KCNIP1: variants seen among roughly 807,000 people sequenced by gnomAD.
The protein encoded by KCNIP1 is potassium voltage-gated channel interacting protein 1.
A neutral mutation model predicts 33.0 loss-of-function variants in KCNIP1; 18 were observed. The ratio of observed to expected loss-of-function variants is 0.55; its 90% CI spans 0.38 to 0.81. The LOEUF (loss-of-function observed/expected upper bound fraction) is 0.81, where lower values mean the gene tolerates loss of function less well. Ranked by LOEUF, KCNIP1 falls within the 30% of genes least tolerant of loss-of-function variation. The pLI, the probability that KCNIP1 is intolerant of heterozygous loss-of-function variation, is 0.00. For missense variants in KCNIP1, 238 were observed against 271.6 expected (o/e 0.88, Z 0.87); for synonymous variants, 93 against 98.3 (o/e 0.95, Z 0.32).
chr5:170,496,296 G>C (rs1433493458), intron 1 of KCNIP1, among the ~76,000 whole-genome samples: 1 of 152,198 alleles, frequency 6.6e-6, no homozygotes, highest in Admixed American at 6.5e-5. Flanking sequence ...AGTCCCCAGT[G>C]AACTGCTGCC....
At chr5:170,479,425 A>G (rs1280691078) in intron 1 of KCNIP1, among the ~76,000 whole-genome samples, 1 of 152,108 alleles carries the variant, frequency 6.6e-6, no homozygotes, top group Non-Finnish European at 1.5e-5. Context: ...TTCAAAATTC[A>G]CTCTTCTTAC....
At chr5:170,476,133 G>C (rs1043132495) in intron 1 of KCNIP1, among the ~76,000 whole-genome samples, 4 of 151,976 alleles carry the variant, frequency 2.6e-5, no homozygotes, top group Admixed American at 2.6e-4. Flanking sequence ...ACCATGCCTC[G>C]CTAATTTTTG....
intron 1 of KCNIP1, among the ~76,000 whole-genome samples, chr5:170,598,135 T>C (rs1258713878): frequency 6.6e-6 from 1 of 152,076 alleles, no homozygotes; most frequent in Non-Finnish European, 1.5e-5. Context: ...AATCAGACCG[T>C]GTATTTTAGC....
intron 1 of KCNIP1, among the ~76,000 whole-genome samples, chr5:170,587,326 G>A (rs530334466): frequency 6.7e-6 from 1 of 149,846 alleles, no homozygotes; most frequent in East Asian, 2.0e-4. Flanking sequence ...AGAGGCTGAG[G>A]TGGGAGAATG....
At chr5:170,391,776 G>C (rs146429352) in intron 1 of KCNIP1, among the ~76,000 whole-genome samples, 1 of 152,330 alleles carries the variant, frequency 6.6e-6, no homozygotes, top group African/African-American at 2.4e-5. Context: ...GCTTCAGTTT[G>C]TCTGTCTCTA....
chr5:170,661,939 G>C (rs953752012), intron 1 of KCNIP1, among the ~76,000 whole-genome samples: 3 of 152,108 alleles, frequency 2.0e-5, no homozygotes, highest in Non-Finnish European at 2.9e-5. Flanking sequence ...TCCTTGCAAG[G>C]CTCGAGCACA....
intron 1 of KCNIP1, among the ~76,000 whole-genome samples, chr5:170,513,760 G>A (rs1755023990): frequency 6.6e-6 from 1 of 152,234 alleles, no homozygotes; most frequent in African/African-American, 2.4e-5. Context: ...TACATACAGA[G>A]CCTTTGTGTG....
chr5:170,519,939 G>A (rs902609627), intron 1 of KCNIP1, among the ~76,000 whole-genome samples: 10 of 152,052 alleles, frequency 6.6e-5, no homozygotes, highest in East Asian at 1.9e-4. Context: ...GCAAAGACAG[G>A]GGGTGAGCGA....
At chr5:170,578,080 T>C (rs1757665089) in intron 1 of KCNIP1, among the ~76,000 whole-genome samples, 1 of 152,226 alleles carries the variant, frequency 6.6e-6, no homozygotes, top group Non-Finnish European at 1.5e-5. Flanking sequence ...TCAACAAACA[T>C]GTCTTGAGTG....
chr5:170,686,290 A>G (rs1762535693), intron 1 of KCNIP1, among the ~76,000 whole-genome samples: 1 of 152,192 alleles, frequency 6.6e-6, no homozygotes, highest in Admixed American at 6.5e-5. Flanking sequence ...GCTACAATAA[A>G]TGAGAGAAGA....
At chr5:170,680,890 A>C in intron 1 of KCNIP1, 2 of 395,492 alleles carry the variant, frequency 5.1e-6, no homozygotes, top group Non-Finnish European at 8.9e-6. Flanking sequence ...AGGTAGGAGG[A>C]GGAGAGAGGT....
At chr5:170,585,802 G>A (rs898192364) in intron 1 of KCNIP1, among the ~76,000 whole-genome samples, 3 of 152,174 alleles carry the variant, frequency 2.0e-5, no homozygotes, top group South Asian at 2.1e-4. Context: ...GAACCCAGTC[G>A]CAGGGCCACC....
intron 1 of KCNIP1, among the ~76,000 whole-genome samples, chr5:170,576,595 C>T (rs1757611710): frequency 1.3e-5 from 2 of 152,184 alleles, no homozygotes; most frequent in Non-Finnish European, 2.9e-5. Context: ...GCCCCCATAC[C>T]CCATGATTTA....
At chr5:170,640,439 G>A (rs994119519) in intron 1 of KCNIP1, among the ~76,000 whole-genome samples, 6 of 152,198 alleles carry the variant, frequency 3.9e-5, no homozygotes, top group Non-Finnish European at 7.3e-5. Flanking sequence ...TGAATTGCAG[G>A]TGAATATCAG....
At chr5:170,665,348 A>G (rs574958816) in intron 1 of KCNIP1, among the ~76,000 whole-genome samples, 49 of 150,368 alleles carry the variant, frequency 3.3e-4, no homozygotes, top group African/African-American at 1.2e-3. Context: ...TTTTTCTGGA[A>G]AAAAAGTCAA....
intron 1 of KCNIP1, among the ~76,000 whole-genome samples, chr5:170,601,187 C>T (rs1034701586): frequency 6.6e-6 from 1 of 152,246 alleles, no homozygotes; most frequent in African/African-American, 2.4e-5. Context: ...GCTGCAGTGC[C>T]TTTTAAATAC....
At chr5:170,635,706 T>A (rs1327301948) in intron 1 of KCNIP1, among the ~76,000 whole-genome samples, 1 of 152,252 alleles carries the variant, frequency 6.6e-6, no homozygotes, top group Non-Finnish European at 1.5e-5. Flanking sequence ...CCAGCCAAGA[T>A]AAGTATCTTT....
At chr5:170,614,808 C>T (rs765947929) in intron 1 of KCNIP1, among the ~76,000 whole-genome samples, 3 of 152,252 alleles carry the variant, frequency 2.0e-5, no homozygotes, top group Non-Finnish European at 4.4e-5. Flanking sequence ...TGCACATCCA[C>T]ATTACCATCT....
At chr5:170,409,744 C>T (rs1199613287) in intron 1 of KCNIP1, among the ~76,000 whole-genome samples, 1 of 152,132 alleles carries the variant, frequency 6.6e-6, no homozygotes, top group Admixed American at 6.5e-5. Context: ...TTCACATGGG[C>T]GAGGCCTGGC....
Sources: gnomAD v4.1 joint callset for allele counts (sites outside exome capture counted in the v4.1 genomes callset) on GRCh38, gnomAD v4.1.1 for gene constraint, MANE v1.5 for transcripts, NCBI Gene and HGNC (gene_info 2026-07-23, HGNC 2026-07-21) for gene names.